The following TDRD12 variants were observed in gnomAD, a reference collection of about 807,000 sequenced individuals.
TDRD12 encodes tudor domain containing 12, also known as putative ATP-dependent RNA helicase TDRD12.
TDRD12 carries 158 observed loss-of-function variants against 133.5 expected under a neutral mutation model. That is an observed-to-expected ratio of 1.18 (90% CI 1.04 to 1.35). The LOEUF (loss-of-function observed/expected upper bound fraction) is 1.35, where lower values mean the gene tolerates loss of function less well. Among genes scored for constraint, TDRD12 ranks in the 40% most tolerant of loss-of-function variants. The pLI, the probability that TDRD12 is intolerant of heterozygous loss-of-function variation, is 0.00. For missense variants in TDRD12, 1,443 were observed against 1,321.3 expected (o/e 1.09, Z -1.43); for synonymous variants, 460 against 477.9 (o/e 0.96, Z 0.49).
At chr19:32,720,195 C>A in intron 1 of TDRD12, 99 bp downstream of exon 1, 1 of 1,379,872 alleles carries the variant, frequency 7.2e-7, no homozygotes, top group Non-Finnish European at 9.8e-7. Context: ...CTCCGCACAG[C>A]TTCCTACACC....
At chr19:32,802,992 A>C in exon 21 of TDRD12, 2 of 1,536,136 alleles carry the variant, frequency 1.3e-6, no homozygotes, top group Non-Finnish European at 1.7e-6. Context: ...GATGCGAGCC[A>C]TGCGGTGGGC....
intron 27 of TDRD12, among the ~76,000 whole-genome samples, chr19:32,818,836 C>CAGACCCAGCGAGTG (rs1967277679): frequency 6.6e-6 from 1 of 152,262 alleles, no homozygotes; most frequent in South Asian, 2.1e-4. Context: ...GGTGCAGCTG[C>CAGACCCAGCGAGTG]AGACCCAGCG....
In TDRD12 at chr19:32,753,808, C is replaced by T. The variant is rs143441095; in HGVS notation, c.583-2184C>T. Among the ~76,000 whole-genome samples the T allele has an allele frequency of 5.7e-4, 86 of 151,918 alleles. No individual in the cohort carries two copies. The East Asian group carries it at 0.012, about 22-fold the overall frequency. Reference sequence around the variant, plus strand: ...TTGGGATTACAGGTGTGAGCCACCACGCCCGGCTGGCCCCTTATTCTTAAT... The same window carrying T: ...TTGGGATTACAGGTGTGAGCCACCATGCCCGGCTGGCCCCTTATTCTTAAT... On this transcript the variant is annotated intron_variant, in intron 6 of 27. Coordinates refer to ENST00000444215, the Ensembl canonical transcript of TDRD12.
intron 11 of TDRD12, among the ~76,000 whole-genome samples, chr19:32,780,330 C>T (rs1245279170): frequency 1.3e-5 from 2 of 152,144 alleles, no homozygotes; most frequent in African/African-American, 4.8e-5. Context: ...AGGTGATCTG[C>T]CTGCCATTAG....
downstream of TDRD12, chr19:32,826,082 C>G: frequency 6.5e-7 from 1 of 1,534,558 alleles, no homozygotes; most frequent in Non-Finnish European, 8.7e-7. Context: ...GAAAATATGA[C>G]CTTGATTTTG....
chr19:32,756,189 G>T lies in TDRD12; in HGVS notation c.772+8G>T. 7.1e-7 allele frequency: 1 copy of T among 1,405,494 alleles called. No homozygotes were observed. Among genetic ancestry groups the T allele is most frequent in the South Asian group, 1.7e-5 (1 of 58,152 alleles). 87.1% of individuals were successfully genotyped at this position (1,405,494 alleles called of 1,614,324 possible). A position where few individuals can be genotyped will look rare whatever the true frequency, so the allele number is the denominator to read the frequency against. ...ATGTTCAAGGAATGGAAGGTGAGTA[G>T]ATTCTCATCATATCAATTTCCCTTA... On this transcript the variant is annotated splice_region_variant and intron_variant, in intron 7 of 27. Transcript: ENST00000444215.
At chr19:32,731,767 A>G in exon 2 of TDRD12, 1 of 1,550,850 alleles carries the variant, frequency 6.4e-7, no homozygotes, top group Non-Finnish European at 8.7e-7. Context: ...AAAAGGGTGT[A>G]GTCCCTTTTT....
At chr19:32,826,487 G>T in exon 9 of TDRD12, 1 of 1,251,742 alleles carries the variant, frequency 8.0e-7, no homozygotes, top group Non-Finnish European at 1.0e-6. Flanking sequence ...ATCTGGAGCT[G>T]CGGGGCAACA....
At chr19:32,812,495 A>G (rs987325954) in intron 24 of TDRD12, among the ~76,000 whole-genome samples, 1 of 152,266 alleles carries the variant, frequency 6.6e-6, no homozygotes, top group African/African-American at 2.4e-5. Flanking sequence ...TCCATGATAC[A>G]GGATAAATAC....
exon 24 of TDRD12, chr19:32,811,384 G>A: frequency 6.5e-7 from 1 of 1,536,166 alleles, no homozygotes; most frequent in Non-Finnish European, 8.7e-7. Flanking sequence ...TCTGTAGGGT[G>A]AAACCTGCTG....
intron 19 of TDRD12, among the ~76,000 whole-genome samples, chr19:32,802,163 G>GAT (rs1568487023): frequency 3.6e-5 from 5 of 140,036 alleles, no homozygotes; most frequent in African/African-American, 1.4e-4. Flanking sequence ...ATATATATAT[G>GAT]ATAATATATA....
At chr19:32,733,996 G>A (rs567912097) in intron 2 of TDRD12, among the ~76,000 whole-genome samples, 8 of 151,002 alleles carry the variant, frequency 5.3e-5, no homozygotes, top group Admixed American at 1.3e-4. Flanking sequence ...GGTTCACGCC[G>A]TTCTCCCGCC....
Position 32,757,028 on chromosome 19 carries a change from T to C in TDRD12, c.773-10T>C. On this transcript the variant is annotated splice_polypyrimidine_tract_variant and intron_variant, in intron 7 of 27. Transcript: ENST00000444215. ...CATGCTTTAATTCTGAAATTTATTC[T>C]TTCTATCAGATTCACATGGTGTAAA... 2.6e-6 allele frequency: 4 copies of C among 1,548,792 alleles called. No individual in the cohort carries two copies. Among genetic ancestry groups the C allele is most frequent in the African/African-American group, 1.4e-5 (1 of 73,110 alleles).
downstream of TDRD12, among the ~76,000 whole-genome samples, chr19:32,824,748 C>T (rs75530811): frequency 6.6e-6 from 1 of 152,086 alleles, no homozygotes; most frequent in Admixed American, 6.6e-5. Flanking sequence ...CACCCCCCGC[C>T]GCCCTTTCTT....
At chr19:32,797,985 A>G (rs1971279792) in intron 15 of TDRD12, 94 bp downstream of exon 15, 9 of 599,698 alleles carry the variant, frequency 1.5e-5, no homozygotes, top group Non-Finnish European at 2.4e-5. Flanking sequence ...GCCTGGGTCC[A>G]CAGTGACATG....
intron 10 of TDRD12, 97 bp from the exon 11 acceptor site, chr19:32,777,052 C>G: frequency 1.3e-6 from 1 of 787,468 alleles, no homozygotes. Flanking sequence ...CCATGCCCGG[C>G]ATTTTTTATT....
chr19:32,734,620 G>A (rs8107317), intron 2 of TDRD12, among the ~76,000 whole-genome samples: 9,823 of 152,046 alleles, frequency 0.065, 543 homozygotes, highest in East Asian at 0.24. Context: ...AGATCTGCCC[G>A]CCTTGGCCTC....
intron 6 of TDRD12, among the ~76,000 whole-genome samples, chr19:32,753,690 T>G (rs1373753256): frequency 8.1e-6 from 1 of 123,930 alleles, no homozygotes; most frequent in Non-Finnish European, 1.7e-5. Context: ...TTTTTTTTTT[T>G]GTATTTTTAG....
At chr19:32,731,911 T>C (rs1969069364) in intron 2 of TDRD12, 28 bp downstream of exon 2, 1 of 1,509,550 alleles carries the variant, frequency 6.6e-7, no homozygotes, top group South Asian at 1.3e-5. Flanking sequence ...CTTTAATCAC[T>C]GTGTATTGAA....
Sources: gnomAD v4.1 joint callset for allele counts (sites outside exome capture counted in the v4.1 genomes callset) on GRCh38, gnomAD v4.1.1 for gene constraint, MANE v1.5 for transcripts, NCBI Gene and HGNC (gene_info 2026-07-23, HGNC 2026-07-21) for gene names.